The following GOLGA4 variants were observed in gnomAD, a reference collection of about 807,000 sequenced individuals.
The protein encoded by GOLGA4 is golgin subfamily A member 4.
Under a neutral mutation model 265.9 loss-of-function variants are expected in GOLGA4, and 169 were observed. The ratio of observed to expected loss-of-function variants is 0.64; its 90% CI spans 0.56 to 0.72. GOLGA4 has a LOEUF of 0.72. Among genes scored for constraint, GOLGA4 ranks in the 30% least tolerant of loss-of-function variants. GOLGA4 has a pLI of 0.00. For synonymous variants in GOLGA4, 923 were observed against 855.8 expected, an observed-to-expected ratio of 1.08 and a Z score of -1.37; for missense variants, 2,482 against 2,483.4, an observed-to-expected ratio of 1.00 and a Z score of 0.01.
In GOLGA4 at chr3:37,326,604, G is replaced by T; in HGVS notation, c.4718G>T (p.Gly1573Val). ...VQKLQHFQEL[G>V]EEKDNRVKEA... ...AAACTTCAACATTTTCAAGAGTTAG[G>T]AGAAGAAAAGGACAACAGGGTTAAA... The change falls in exon 14 of 24, where the codon GGA (glycine) becomes GTA (valine). Residue 1573 changes from glycine (G) to valine (V), a missense_variant. Around this residue, in one of 3 missense-constraint regions of GOLGA4, gnomAD observed 942 missense variants for 983.1 expected, o/e 0.96. Transcript: ENST00000361924. The T allele has an allele frequency of 6.2e-7, 1 of 1,613,244 alleles. No homozygotes were observed. Among genetic ancestry groups the T allele is most frequent in the South Asian group, 1.1e-5 (1 of 90,850 alleles).
At chr3:37,318,348 A>G (rs1329046445) in intron 11 of GOLGA4, among the ~76,000 whole-genome samples, 2 of 152,076 alleles carry the variant, frequency 1.3e-5, no homozygotes, top group Non-Finnish European at 1.5e-5. Context: ...TGCCCCACCC[A>G]TATTATCTTT....
At position 37,366,478 on chromosome 3, in the gene GOLGA4, T is replaced by A; in HGVS notation, c.*432T>A. The A allele has an allele frequency of 5.3e-6, 1 of 190,004 alleles. No individual in the cohort carries two copies. Among genetic ancestry groups the A allele is most frequent in the Non-Finnish European group, 1.1e-5 (1 of 93,202 alleles). The allele number at this position is 190,004 out of a possible 1,614,324, so 11.8% of individuals were successfully genotyped here. ...TTTTGAGGTGAAACTTAGTGGATTT[T>A]TTCTGATAAATTAGAGCATTTAATT... On this transcript the variant is annotated 3_prime_UTR_variant, in exon 24 of 24. Coordinates refer to ENST00000361924, the MANE Select transcript of GOLGA4 (RefSeq NM_002078.5).
intron 5 of GOLGA4, among the ~76,000 whole-genome samples, chr3:37,292,678 C>T (rs996652739): frequency 1.1e-4 from 15 of 139,228 alleles, no homozygotes; most frequent in East Asian, 5.9e-4. Context: ...AGCGAGACTC[C>T]GTCTCAAAAA....
chr3:37,280,876 ACTCCTACCTTGCCC>A (rs138936599), intron 2 of GOLGA4, among the ~76,000 whole-genome samples: 1,606 of 152,162 alleles, frequency 0.011, 25 homozygotes, highest in African/African-American at 0.035. Context: ...ATCTCCTCTT[ACTCCTACCTTGCCC>A]AATATTATTA....
At chr3:37,352,643 C>G (rs1051160017) in intron 21 of GOLGA4, among the ~76,000 whole-genome samples, 4 of 152,032 alleles carry the variant, frequency 2.6e-5, no homozygotes, top group Admixed American at 1.3e-4. Context: ...CTTCCCTCAG[C>G]CTTCATAGAA....
At chr3:37,316,714 A>T (rs1342794344) in intron 11 of GOLGA4, among the ~76,000 whole-genome samples, 2 of 152,184 alleles carry the variant, frequency 1.3e-5, no homozygotes, top group South Asian at 2.1e-4. Flanking sequence ...TAGTGAAAAG[A>T]TTCCCATTTT....
At chr3:37,329,979 G>A (rs990804188) in intron 16 of GOLGA4, among the ~76,000 whole-genome samples, 6 of 148,774 alleles carry the variant, frequency 4.0e-5, no homozygotes, top group African/African-American at 7.8e-5. Context: ...TATTTTAAAT[G>A]TAATTGAAAT....
chr3:37,308,986 C>G (rs191097299), intron 10 of GOLGA4, among the ~76,000 whole-genome samples: 1 of 151,852 alleles, frequency 6.6e-6, no homozygotes, highest in Non-Finnish European at 1.5e-5. Context: ...TGTGGTGGCT[C>G]ATGCCTGTAA....
At chr3:37,252,240 A>T (rs1012980856) in intron 2 of GOLGA4, among the ~76,000 whole-genome samples, 2 of 152,110 alleles carry the variant, frequency 1.3e-5, no homozygotes, top group Non-Finnish European at 2.9e-5. Flanking sequence ...AAGCAAAGGA[A>T]CACTGTTAGC....
intron 1 of GOLGA4, among the ~76,000 whole-genome samples, chr3:37,249,385 A>G (rs940166187): frequency 4.6e-5 from 7 of 152,094 alleles, no homozygotes; most frequent in African/African-American, 1.4e-4. Context: ...TAAGGCTTCA[A>G]CTTTATTTCA....
chr3:37,245,857 C>A (rs187732210), intron 1 of GOLGA4, among the ~76,000 whole-genome samples: 41 of 152,242 alleles, frequency 2.7e-4, no homozygotes, highest in Non-Finnish European at 4.6e-4. Context: ...AGCCACTGCG[C>A]CTGGCCATTC....
At chr3:37,258,426 C>T (rs532651587) in intron 2 of GOLGA4, among the ~76,000 whole-genome samples, 30 of 152,076 alleles carry the variant, frequency 2.0e-4, no homozygotes, top group African/African-American at 6.8e-4. Context: ...CTCCCAGGTT[C>T]AAGTGATTCT....
chr3:37,266,777 T>G, intron 2 of GOLGA4: 1 of 744,590 alleles, frequency 1.3e-6, no homozygotes, highest in Non-Finnish European at 2.0e-6. Context: ...CAACATGCCA[T>G]TATGATTTGT....
At chr3:37,295,990 G>C (rs1014862860) in intron 6 of GOLGA4, 97 bp from the exon 7 acceptor site, 2 of 1,092,278 alleles carry the variant, frequency 1.8e-6, no homozygotes, top group African/African-American at 3.1e-5. Flanking sequence ...GTATTAACAG[G>C]GAATCCTGGA....
In GOLGA4 at chr3:37,319,146, G is replaced by T; in HGVS notation, c.1497G>T (p.Lys499Asn). 6.2e-7 allele frequency: 1 copy of T among 1,611,208 alleles called. No individual in the cohort carries two copies. The highest frequency in any genetic ancestry group is 8.5e-7 in the Non-Finnish European group (1 of 1,178,396). The change falls in exon 12 of 24, where the codon AAG becomes AAT. Residue 499 changes from lysine to asparagine, a missense_variant. This residue lies in a region of GOLGA4 where 1,536 missense variants were observed against 1,483.7 expected (regional missense o/e 1.04). Transcript: ENST00000361924. Reference protein sequence around the residue: ...LARKEQELTKKLQTREREFQE... With the variant: ...LARKEQELTKNLQTREREFQE... ...GAAAAGAGCAGGAACTGACCAAGAAGCTTCAGACCCGAGAAAGGGAATTTC... is the reference window on the plus strand; with the variant it reads ...GAAAAGAGCAGGAACTGACCAAGAATCTTCAGACCCGAGAAAGGGAATTTC...
chr3:37,364,592 CT>C (rs554906288), intron 23 of GOLGA4, among the ~76,000 whole-genome samples: 4,771 of 128,258 alleles, frequency 0.037, 106 homozygotes, highest in African/African-American at 0.095. Context: ...TATGTCATAG[CT>C]TTTTTTTTTT....
intron 2 of GOLGA4, among the ~76,000 whole-genome samples, chr3:37,279,223 C>T (rs2096827998): frequency 1.3e-5 from 2 of 152,054 alleles, no homozygotes; most frequent in African/African-American, 2.4e-5. Flanking sequence ...ATTGAACATC[C>T]CTAATCCAGA....
intron 2 of GOLGA4, among the ~76,000 whole-genome samples, chr3:37,268,420 A>G (rs1037468821): frequency 1.3e-5 from 2 of 151,934 alleles, no homozygotes; most frequent in African/African-American, 4.8e-5. Context: ...ATATTGCTTT[A>G]TATTTTCATG....
At chr3:37,257,927 GTATA>G (rs1266978296) in intron 2 of GOLGA4, among the ~76,000 whole-genome samples, 4 of 102,978 alleles carry the variant, frequency 3.9e-5, no homozygotes, top group African/African-American at 1.9e-4. Flanking sequence ...ATGTATATAT[GTATA>G]TATACATACA....
Sources: allele counts gnomAD v4.1 joint callset (sites outside exome capture counted in the v4.1 genomes callset), GRCh38; gene constraint gnomAD v4.1.1; regional missense constraint gnomAD v4.1.1; transcripts MANE v1.5; gene names NCBI Gene and HGNC (gene_info 2026-07-23, HGNC 2026-07-21).